RAB27A: variants seen among roughly 807,000 people sequenced by gnomAD.
RAB27A encodes the protein ras-related protein Rab-27A.
RAB27A carries 17 observed loss-of-function variants against 20.8 expected under a neutral mutation model. The ratio of observed to expected loss-of-function variants is 0.82; its 90% CI spans 0.56 to 1.23. The LOEUF is 1.23. RAB27A is among the 50% of genes most tolerant of loss of function. The pLI is 0.00. For missense variants in RAB27A, 277 were observed against 266.7 expected (o/e 1.04, Z -0.27); for synonymous variants, 85 against 92.8 (o/e 0.92, Z 0.48).
chr15:55,252,060 A>C (rs1261584973), intron 2 of RAB27A, among the ~76,000 whole-genome samples: 1 of 152,168 alleles, frequency 6.6e-6, no homozygotes, highest in East Asian at 1.9e-4. Flanking sequence ...ACCAAGGTCA[A>C]ACACCAAGAG....
At chr15:55,249,791 A>G (rs188578786) in intron 2 of RAB27A, among the ~76,000 whole-genome samples, 1 of 152,346 alleles carries the variant, frequency 6.6e-6, no homozygotes, top group Admixed American at 6.5e-5. Context: ...AATAAGCCCA[A>G]GGTCATGTCT....
rs1896189968 is a variant in RAB27A, at chr15:55,234,882, G to C, written c.53C>G (p.Ser18Cys). Residue 18 changes from serine to cysteine, a missense_variant, in exon 3 of 7, where the codon TCT (serine) becomes TGT (cysteine). Physicochemically the swap from Ser to Cys is moderately radical, Grantham distance 112. Coordinates refer to ENST00000336787, the MANE Select transcript of RAB27A (RefSeq NM_183235.3). Reference protein sequence around the residue: ...YLIKFLALGDSGVGKTSVLYQ... With the variant: ...YLIKFLALGDCGVGKTSVLYQ... ...AAGTACACTGGTCTTCCCTACACCA[G>C]AGTCTCCCAAAGCTAAAAACTTGAT... 2.5e-6 allele frequency: 4 copies of C among 1,612,540 alleles called. No homozygotes were observed. The highest frequency in any genetic ancestry group is 1.7e-5 in the Admixed American group (1 of 59,878).
intron 6 of RAB27A, among the ~76,000 whole-genome samples, chr15:55,218,964 A>G (rs892255320): frequency 6.6e-6 from 1 of 151,632 alleles, no homozygotes; most frequent in Admixed American, 6.6e-5. Flanking sequence ...CTGGTCTCGA[A>G]CTCCTGAGCT....
chr15:55,213,630 A>G (rs889123266), intron 6 of RAB27A, among the ~76,000 whole-genome samples: 4 of 152,158 alleles, frequency 2.6e-5, no homozygotes, highest in African/African-American at 9.7e-5. Context: ...GTCTCCTGTC[A>G]GATTAGCAGC....
chr15:55,299,380 G>A (rs542118070), intron 2 of RAB27A, among the ~76,000 whole-genome samples: 2 of 152,128 alleles, frequency 1.3e-5, no homozygotes, highest in Non-Finnish European at 2.9e-5. Flanking sequence ...AATCACCTGA[G>A]GTCAGGAGTT....
intron 3 of RAB27A, among the ~76,000 whole-genome samples, chr15:55,234,233 T>C (rs1206794079): frequency 6.6e-6 from 1 of 152,128 alleles, no homozygotes; most frequent in South Asian, 2.1e-4. Flanking sequence ...AGTCTCAAAG[T>C]CCTTAAAAAA....
chr15:55,277,159 T>C (rs1484652522), intron 1 of RAB27A, among the ~76,000 whole-genome samples: 2 of 152,162 alleles, frequency 1.3e-5, no homozygotes, highest in Non-Finnish European at 2.9e-5. Flanking sequence ...ACTTCTGTAA[T>C]AAAGTATCAA....
intron 2 of RAB27A, among the ~76,000 whole-genome samples, chr15:55,312,735 T>C (rs572939656): frequency 6.2e-4 from 94 of 152,310 alleles, no homozygotes; most frequent in African/African-American, 2.3e-3. Flanking sequence ...AAAAGCAGCT[T>C]ACTTTAACTT....
chr15:55,288,312 G>C (rs373024886), intron 1 of RAB27A, among the ~76,000 whole-genome samples: 1 of 152,126 alleles, frequency 6.6e-6, no homozygotes, highest in South Asian at 2.1e-4. Context: ...CTTGAGGTCA[G>C]GAGTTCAAGA....
intron 2 of RAB27A, chr15:55,248,842 T>C (rs990832969): frequency 1.3e-5 from 2 of 152,178 alleles, no homozygotes; most frequent in African/African-American, 4.8e-5. Flanking sequence ...ATAGGTCTTT[T>C]TGGTATTTGT....
chr15:55,288,557 C>G (rs774625987), intron 1 of RAB27A, among the ~76,000 whole-genome samples: 1 of 150,554 alleles, frequency 6.6e-6, no homozygotes, highest in Non-Finnish European at 1.5e-5. Flanking sequence ...AAATATACTT[C>G]AACGAAATTA....
At chr15:55,207,867 G>C (rs1215176579) in intron 6 of RAB27A, among the ~76,000 whole-genome samples, 19 of 152,116 alleles carry the variant, frequency 1.2e-4, no homozygotes. Context: ...ATGTTGGCCA[G>C]GCTGGTCTCA....
In RAB27A at chr15:55,287,747, C is replaced by T. The variant is rs1286303249; in HGVS notation, c.-143+1969G>A. On this transcript the variant is annotated intron_variant, in intron 1 of 6. Coordinates refer to ENST00000336787, the MANE Select transcript of RAB27A (RefSeq NM_183235.3). ...GGTAAATAAGAGCAAAACTCCATCT[C>T]GAAAAAAAAAAAAAATTCATATGGA... is the stretch of plus-strand genomic sequence containing the variant. Among the ~76,000 whole-genome samples, 6 of 144,952 alleles carry T rather than the reference C, an allele frequency of 4.1e-5. No individual in the cohort carries two copies. In the East Asian group the frequency reaches 1.2e-3, roughly 29 times the overall value.
chr15:55,263,606 G>T (rs11639469), intron 2 of RAB27A, among the ~76,000 whole-genome samples: 51,003 of 152,030 alleles, frequency 0.34, 9,989 homozygotes, highest in East Asian at 0.58. Flanking sequence ...CCAAGTATCT[G>T]AAGAGAGACA....
At chr15:55,230,905 T>C (rs1291936320) in intron 3 of RAB27A, among the ~76,000 whole-genome samples, 2 of 152,128 alleles carry the variant, frequency 1.3e-5, no homozygotes, top group African/African-American at 2.4e-5. Context: ...TGAGCATCTA[T>C]TGAATTCATC....
chr15:55,276,691 G>C (rs1897883320), intron 1 of RAB27A, among the ~76,000 whole-genome samples: 1 of 152,138 alleles, frequency 6.6e-6, no homozygotes, highest in Non-Finnish European at 1.5e-5. Context: ...AAGAGAACAA[G>C]TTTCAGTTAT....
At chr15:55,242,148 A>G (rs1896518798) in intron 2 of RAB27A, among the ~76,000 whole-genome samples, 1 of 152,220 alleles carries the variant, frequency 6.6e-6, no homozygotes, top group South Asian at 2.1e-4. Flanking sequence ...ATTTTCCGAA[A>G]GCCAAATTTT....
upstream of RAB27A, among the ~76,000 whole-genome samples, chr15:55,292,523 GGA>G (rs2054927669): frequency 6.6e-6 from 1 of 152,236 alleles, no homozygotes; most frequent in South Asian, 2.1e-4. Flanking sequence ...GACATATTTA[GGA>G]GAGTGAATCA....
chr15:55,258,675 T>C (rs1255414371), intron 2 of RAB27A, among the ~76,000 whole-genome samples: 1 of 152,250 alleles, frequency 6.6e-6, no homozygotes, highest in African/African-American at 2.4e-5. Flanking sequence ...CATTTGGTGC[T>C]TGTTGTCAGA....
Sources: gnomAD v4.1 joint callset for allele counts (sites outside exome capture counted in the v4.1 genomes callset) on GRCh38, gnomAD v4.1.1 for gene constraint, MANE v1.5 for transcripts, NCBI Gene and HGNC (gene_info 2026-07-23, HGNC 2026-07-21) for gene names.